SLC19A2: variants seen among roughly 807,000 people sequenced by gnomAD.
SLC19A2 encodes thiamine transporter 1.
In SLC19A2, 27 loss-of-function variants were observed where a neutral mutation model predicts 44.7. The observed-to-expected ratio is 0.60, with a 90% CI of 0.45 to 0.83. The LOEUF (loss-of-function observed/expected upper bound fraction) is 0.83. SLC19A2 is among the 40% of genes least tolerant of loss of function. The probability of loss-of-function intolerance (pLI) is 0.00; values close to 1 mark genes in which losing one functional copy is unlikely to be tolerated. For missense variants in SLC19A2, 566 were observed against 613.7 expected (o/e 0.92, Z 0.82); for synonymous variants, 239 against 243.6 (o/e 0.98, Z 0.18).
intron 5 of SLC19A2, among the ~76,000 whole-genome samples, chr1:169,467,481 A>T (rs548811660): frequency 6.7e-6 from 1 of 149,118 alleles, no homozygotes; most frequent in South Asian, 2.1e-4. Flanking sequence ...GGTGGGAGTA[A>T]ATACTTCTTG....
intron 2 of SLC19A2, among the ~76,000 whole-genome samples, chr1:169,473,249 A>T (rs578115561): frequency 1.0e-3 from 153 of 151,656 alleles, no homozygotes; most frequent in African/African-American, 3.6e-3. Context: ...TTATTTATTT[A>T]TTTTTTTGAG....
chr1:169,485,640 A>C lies in SLC19A2; in HGVS notation c.127T>G (p.Phe43Val). 6.4e-7 allele frequency: 1 copy of C among 1,559,548 alleles called. No individual in the cohort carries two copies. Among genetic ancestry groups the C allele is most frequent in the Non-Finnish European group, 8.7e-7 (1 of 1,152,256 alleles). The change falls in exon 1 of 6, where the codon TTC (phenylalanine) becomes GTC (valine). Residue 43 changes from phenylalanine (F) to valine (V), a missense_variant. Physicochemically the swap from Phe to Val is conservative, Grantham distance 50. Coordinates refer to ENST00000236137, the MANE Select transcript of SLC19A2 (RefSeq NM_006996.3). ...PTALLCAYGF[F>V]ASLRPSEPFL... ...GGCTCGGACGGCCTGAGGCTGGCGA[A>C]GAAGCCGTAGGCGCAGAGCAGCGCG...
intron 1 of SLC19A2, among the ~76,000 whole-genome samples, chr1:169,478,523 A>ATTTTTT (rs35141285): frequency 3.0e-5 from 2 of 66,608 alleles, no homozygotes; most frequent in African/African-American, 6.5e-5. Context: ...CAACCAGCTA[A>ATTTTTT]TTTTTTTTTT....
In SLC19A2 at chr1:169,476,467, C is replaced by T. The variant is rs1364188806; in HGVS notation, c.807+688G>A. Among the ~76,000 whole-genome samples, 3 of 152,124 alleles carry T rather than the reference C, an allele frequency of 2.0e-5. No homozygotes were observed. The East Asian group carries it at 5.8e-4, about 29-fold the overall frequency. On this transcript the variant is annotated intron_variant, in intron 2 of 5. Coordinates refer to ENST00000236137, the MANE Select transcript of SLC19A2 (RefSeq NM_006996.3). ...GGTGCGGTGGCTCACGCCTGTAATC[C>T]CAGCACTTTGGGAGGCTGAGGCTGG...
In SLC19A2 at chr1:169,473,574, C is replaced by A. The variant is rs79957941; in HGVS notation, c.808-3388G>T. Among the ~76,000 whole-genome samples the A allele has an allele frequency of 7.8e-3, 1,182 of 152,086 alleles. 19 individuals carry two copies. Among genetic ancestry groups the A allele is most frequent in the African/African-American group, 0.027 (1,121 of 41,524 alleles). On this transcript the variant is annotated intron_variant, in intron 2 of 5. Coordinates refer to ENST00000236137, the MANE Select transcript of SLC19A2 (RefSeq NM_006996.3). ...GTTGGAAAGTTTTAAAGTGCCACTTCCTATGTGCCTTTGCGCAAGTCAGTT... is the reference window on the plus strand; with the variant it reads ...GTTGGAAAGTTTTAAAGTGCCACTTACTATGTGCCTTTGCGCAAGTCAGTT...
chr1:169,473,055 A>G (rs903135820), intron 2 of SLC19A2, among the ~76,000 whole-genome samples: 3 of 152,164 alleles, frequency 2.0e-5, no homozygotes, highest in Non-Finnish European at 2.9e-5. Context: ...TTTCAATCAG[A>G]AAGGCTCAAT....
chr1:169,474,594 G>A (rs543851939), intron 2 of SLC19A2, among the ~76,000 whole-genome samples: 108 of 152,072 alleles, frequency 7.1e-4, no homozygotes, highest in Non-Finnish European at 1.3e-3. Context: ...CTATCACTTA[G>A]ACTCCTCTTA....
chr1:169,481,120 C>G (rs1192620955), intron 1 of SLC19A2, among the ~76,000 whole-genome samples: 2 of 152,214 alleles, frequency 1.3e-5, no homozygotes, highest in Admixed American at 6.5e-5. Flanking sequence ...GCCCCACTCA[C>G]ACTATTATCA....
rs756708244 is a variant in SLC19A2 at position 169,470,014 on chromosome 1, C to T, written c.980G>A (p.Arg327His). Residue 327 changes from arginine (R) to histidine (H), a missense_variant, in exon 3 of 6, where the codon CGC becomes CAC. Physicochemically the swap from Arg to His is conservative, Grantham distance 29. Coordinates refer to ENST00000236137, the MANE Select transcript of SLC19A2 (RefSeq NM_006996.3). ...GCCACCATTATAGATAGCAGCATAG[C>T]GAGAAGGCATCACTTTCTCCCACAG... ...QGLWEKVMPS[R>H]YAAIYNGGVE... 1.4e-5 allele frequency: 22 copies of T among 1,613,774 alleles called. 1 individual carries two copies. Among genetic ancestry groups the T allele is most frequent in the South Asian group, 9.9e-5 (9 of 91,068 alleles).
At chr1:169,470,318 TAACA>T (rs752614333) in intron 2 of SLC19A2, 132 bp from the exon 3 acceptor site, 26 of 781,944 alleles carry the variant, frequency 3.3e-5, no homozygotes, top group Non-Finnish European at 4.6e-5. Context: ...ATAAACTTAT[TAACA>T]AATACATTTA....
chr1:169,475,326 T>C (rs1186223786), intron 2 of SLC19A2, among the ~76,000 whole-genome samples: 1 of 152,158 alleles, frequency 6.6e-6, no homozygotes, highest in African/African-American at 2.4e-5. Flanking sequence ...AATAAAACAC[T>C]GTTGTAAAAC....
In SLC19A2 at chr1:169,474,530, T is replaced by C. The variant is rs577397361; in HGVS notation, c.807+2625A>G. ...ATCAGCACCCTTTGCCCCAATGCAA[T>C]AGACTCTCTTTAAAAATAACTCACA... On this transcript the variant is annotated intron_variant, in intron 2 of 5. Transcript: ENST00000236137. 3.9e-5 allele frequency among the ~76,000 whole-genome samples: 6 copies of C among 152,258 alleles called. No individual in the cohort carries two copies. In the East Asian group the frequency reaches 9.7e-4, roughly 25 times the overall value.
At chr1:169,469,055 G>A in intron 3 of SLC19A2, 2 of 546,090 alleles carry the variant, frequency 3.7e-6, no homozygotes, top group Non-Finnish European at 6.5e-6. Context: ...AGGAGAGGTG[G>A]CAATGAGATG....
intron 1 of SLC19A2, among the ~76,000 whole-genome samples, chr1:169,478,765 G>A (rs1388781175): frequency 6.6e-6 from 1 of 151,698 alleles, no homozygotes; most frequent in Non-Finnish European, 1.5e-5. Flanking sequence ...CTCCTAAGAA[G>A]CTTTAAAAAA....
chr1:169,467,767 G>C (rs1364572978), intron 5 of SLC19A2, among the ~76,000 whole-genome samples: 1 of 152,126 alleles, frequency 6.6e-6, no homozygotes, highest in African/African-American at 2.4e-5. Context: ...TCTCAAACAT[G>C]GGATACAGTA....
intron 5 of SLC19A2, among the ~76,000 whole-genome samples, chr1:169,466,491 A>G (rs1281475792): frequency 1.3e-5 from 2 of 151,890 alleles, no homozygotes; most frequent in South Asian, 2.1e-4. Flanking sequence ...ATTCCATTAC[A>G]GGATTACTTA....
rs1190269810 is a variant in SLC19A2 at position 169,466,067 on chromosome 1, C to CA, written c.1366-91dup. The CA allele has an allele frequency of 5.5e-5, 82 of 1,498,078 alleles. No homozygotes were observed. In the East Asian group the frequency reaches 1.8e-3, roughly 33 times the overall value. The allele number at this position is 1,498,078 out of a possible 1,614,324, so 92.8% of individuals were successfully genotyped here. On this transcript the variant is annotated intron_variant, in intron 5 of 5. Transcript: ENST00000236137. ...TATTCAGAATTTGTCCATAAAGCCT[C>CA]AAAAAATATTGCATACTTACACCAC...
At chr1:169,473,587 G>C (rs1658245467) in intron 2 of SLC19A2, among the ~76,000 whole-genome samples, 1 of 151,906 alleles carries the variant, frequency 6.6e-6, no homozygotes, top group East Asian at 1.9e-4. Context: ...ATGTGCCTTT[G>C]CGCAAGTCAG....
At chr1:169,468,280 A>G (rs1419276483) in intron 4 of SLC19A2, 28 bp from the exon 5 acceptor site, 1 of 1,582,974 alleles carries the variant, frequency 6.3e-7, no homozygotes, top group East Asian at 2.2e-5. Flanking sequence ...GAGTGAATAA[A>G]TAAGAATTAC....
Sources: allele counts gnomAD v4.1 joint callset (sites outside exome capture counted in the v4.1 genomes callset), GRCh38; gene constraint gnomAD v4.1.1; transcripts MANE v1.5; gene names NCBI Gene and HGNC (gene_info 2026-07-23, HGNC 2026-07-21).